Variants in SLC9A9 observed in about 807,000 individuals in gnomAD.
The protein encoded by SLC9A9 is solute carrier family 9 member A9.
A neutral mutation model predicts 77.8 loss-of-function variants in SLC9A9; 62 were observed. The ratio of observed to expected loss-of-function variants is 0.80; its 90% CI spans 0.65 to 0.98. The LOEUF is 0.98. Ranked by LOEUF, SLC9A9 falls within the 50% of genes least tolerant of loss-of-function variation. The pLI is 0.00. For missense variants in SLC9A9, 775 were observed against 774.9 expected, an observed-to-expected ratio of 1.00 and a Z score of 0.00; for synonymous variants, 320 against 283.5, an observed-to-expected ratio of 1.13 and a Z score of -1.29.
intron 12 of SLC9A9, among the ~76,000 whole-genome samples, chr3:143,394,798 T>C (rs1463685287): frequency 6.6e-6 from 1 of 152,144 alleles, no homozygotes; most frequent in African/African-American, 2.4e-5. Flanking sequence ...AGCATTCCTA[T>C]ACACCAATAA....
intron 13 of SLC9A9, among the ~76,000 whole-genome samples, chr3:143,363,832 A>G (rs529819755): frequency 6.6e-6 from 1 of 152,160 alleles, no homozygotes; most frequent in Non-Finnish European, 1.5e-5. Context: ...TTTGACATCA[A>G]TAAAAATGAC....
chr3:143,821,152 A>T (rs1319281575), intron 2 of SLC9A9, among the ~76,000 whole-genome samples: 1 of 152,210 alleles, frequency 6.6e-6, no homozygotes, highest in Non-Finnish European at 1.5e-5. Context: ...GCATATTTTT[A>T]AATGCATTTA....
chr3:143,487,070 A>T (rs924714472), intron 11 of SLC9A9, among the ~76,000 whole-genome samples: 2 of 152,000 alleles, frequency 1.3e-5, no homozygotes, highest in African/African-American at 4.8e-5. Flanking sequence ...GATGAGAGTA[A>T]AAGGCTAGAA....
intron 11 of SLC9A9, among the ~76,000 whole-genome samples, chr3:143,490,610 C>T (rs762486320): frequency 5.3e-5 from 8 of 151,686 alleles, no homozygotes; most frequent in East Asian, 3.9e-4. Flanking sequence ...TTGCACATTT[C>T]GAATGTATTT....
rs144009008 is a variant in SLC9A9, at chr3:143,344,158, T to C, written c.1604+19326A>G. Among the ~76,000 whole-genome samples, 493 of 152,258 alleles carry C rather than the reference T, an allele frequency of 3.2e-3. 3 individuals carry two copies. The highest frequency in any genetic ancestry group is 9.0e-3 in the Admixed American group (138 of 15,276). On this transcript the variant is annotated intron_variant, in intron 14 of 15. Coordinates refer to ENST00000316549, the MANE Select transcript of SLC9A9 (RefSeq NM_173653.4). ...TTAGCTCATTATTAACTGACAAAGG[T>C]TACTTTGTGTATTGGCAGAGGAAGG...
chr3:143,681,493 G>A (rs1361091041), intron 5 of SLC9A9, among the ~76,000 whole-genome samples: 1 of 152,078 alleles, frequency 6.6e-6, no homozygotes, highest in Non-Finnish European at 1.5e-5. Flanking sequence ...TCTTTTGATG[G>A]ATTTATTTAT....
chr3:143,701,626 A>C (rs551183320), intron 4 of SLC9A9, among the ~76,000 whole-genome samples: 2 of 152,276 alleles, frequency 1.3e-5, no homozygotes, highest in East Asian at 3.9e-4. Flanking sequence ...GAGGCAAAAG[A>C]AAAAAGAATA....
intron 12 of SLC9A9, among the ~76,000 whole-genome samples, chr3:143,412,509 G>A (rs1350565878): frequency 1.3e-5 from 2 of 150,836 alleles, no homozygotes; most frequent in East Asian, 3.9e-4. Context: ...TTGCCATCAT[G>A]CCAAGCTCCT....
chr3:143,692,508 G>T (rs1576663074), intron 5 of SLC9A9, among the ~76,000 whole-genome samples: 1 of 152,090 alleles, frequency 6.6e-6, no homozygotes, highest in Non-Finnish European at 1.5e-5. Context: ...TAAGGTGATT[G>T]CCCATATTTG....
At chr3:143,334,372 G>T (rs1259075671) in intron 14 of SLC9A9, among the ~76,000 whole-genome samples, 1 of 152,200 alleles carries the variant, frequency 6.6e-6, no homozygotes, top group South Asian at 2.1e-4. Flanking sequence ...ATGGCTGTTG[G>T]AAGCGGACAT....
At chr3:143,605,044 C>T (rs766927611) in intron 6 of SLC9A9, among the ~76,000 whole-genome samples, 5 of 152,080 alleles carry the variant, frequency 3.3e-5, no homozygotes, top group Non-Finnish European at 7.4e-5. Context: ...CCCTTTTCTG[C>T]TTGTCTAAAC....
chr3:143,482,418 T>G (rs1487874998), intron 11 of SLC9A9, among the ~76,000 whole-genome samples: 1 of 152,208 alleles, frequency 6.6e-6, no homozygotes, highest in African/African-American at 2.4e-5. Flanking sequence ...CTTCTCGTAG[T>G]TTTTGTGATA....
intron 14 of SLC9A9, among the ~76,000 whole-genome samples, chr3:143,272,217 C>T (rs1937917796): frequency 6.6e-6 from 1 of 152,306 alleles, no homozygotes; most frequent in African/African-American, 2.4e-5. Flanking sequence ...CATACACTCA[C>T]AGGTTTTTGT....
chr3:143,809,914 G>T (rs1240504730), intron 2 of SLC9A9, among the ~76,000 whole-genome samples: 1 of 152,222 alleles, frequency 6.6e-6, no homozygotes, highest in East Asian at 1.9e-4. Context: ...TTTATAGATG[G>T]TTACTAGAAT....
chr3:143,610,684 G>A (rs919695990), intron 6 of SLC9A9, among the ~76,000 whole-genome samples: 10 of 152,190 alleles, frequency 6.6e-5, no homozygotes, highest in African/African-American at 2.4e-4. Context: ...TCCATAGAAC[G>A]AACTGTGAGA....
chr3:143,301,619 G>C (rs2030520840), intron 14 of SLC9A9, among the ~76,000 whole-genome samples: 2 of 152,206 alleles, frequency 1.3e-5, no homozygotes, highest in South Asian at 4.1e-4. Context: ...TTAAATGTTG[G>C]TGTGTATCAG....
At chr3:143,511,176 C>T (rs953241066) in intron 9 of SLC9A9, among the ~76,000 whole-genome samples, 6 of 152,044 alleles carry the variant, frequency 3.9e-5, no homozygotes, top group Admixed American at 6.6e-5. Flanking sequence ...TGGGGGTGGG[C>T]GGATGATCAC....
At chr3:143,532,856 G>A (rs1046511448) in intron 9 of SLC9A9, among the ~76,000 whole-genome samples, 9 of 152,138 alleles carry the variant, frequency 5.9e-5, no homozygotes, top group African/African-American at 2.2e-4. Context: ...TGAGGCCTCT[G>A]CCTGCAATGC....
intron 4 of SLC9A9, among the ~76,000 whole-genome samples, chr3:143,790,157 C>T (rs187058680): frequency 2.6e-5 from 4 of 152,168 alleles, no homozygotes; most frequent in East Asian, 1.9e-4. Context: ...CATTCTCTCT[C>T]TTGCCGCCTT....
Sources: gnomAD v4.1 joint callset for allele counts (sites outside exome capture counted in the v4.1 genomes callset) on GRCh38, gnomAD v4.1.1 for gene constraint, MANE v1.5 for transcripts, NCBI Gene and HGNC (gene_info 2026-07-23, HGNC 2026-07-21) for gene names.